Variants in CRISP2 observed in about 807,000 individuals in gnomAD.
CRISP2 encodes cysteine-rich secretory protein 2.
In CRISP2, 29 loss-of-function variants were observed where a neutral mutation model predicts 31.7. The observed-to-expected ratio is 0.92, with a 90% CI of 0.68 to 1.25. The LOEUF is 1.25. CRISP2 is among the 50% of genes most tolerant of loss of function. The pLI, the probability that CRISP2 is intolerant of heterozygous loss-of-function variation, is 0.00. For missense variants in CRISP2, 318 were observed against 286.5 expected, an observed-to-expected ratio of 1.11 and a Z score of -0.79; for synonymous variants, 111 against 101.4, an observed-to-expected ratio of 1.09 and a Z score of -0.57.
chr6:49,712,724 A>T (rs1038957642), intron 1 of CRISP2, 120 bp from the exon 2 acceptor site: 2 of 152,130 alleles, frequency 1.3e-5, no homozygotes, highest in African/African-American at 4.8e-5. Flanking sequence ...GTTTCTAATA[A>T]TTTACTGTAT....
At chr6:49,704,848 T>C (rs952506905) in intron 4 of CRISP2, among the ~76,000 whole-genome samples, 2 of 152,184 alleles carry the variant, frequency 1.3e-5, no homozygotes, top group African/African-American at 4.8e-5. Flanking sequence ...GAAGTTGTCA[T>C]GTGGACAGTC....
the CRISP2 span, among the ~76,000 whole-genome samples, chr6:49,686,033 G>T: frequency 6.6e-6 from 1 of 152,006 alleles, no homozygotes; most frequent in African/African-American, 2.4e-5. Context: ...ATACTTTCTA[G>T]TATACTCTAT....
intron 4 of CRISP2, among the ~76,000 whole-genome samples, chr6:49,702,095 TTA>T (rs1766092454): frequency 9.6e-6 from 1 of 103,914 alleles, no homozygotes; most frequent in South Asian, 3.0e-4. Flanking sequence ...ATTATATATA[TTA>T]TATATGTATA....
intron 8 of CRISP2, among the ~76,000 whole-genome samples, chr6:49,696,654 A>G (rs1350401918): frequency 6.6e-6 from 1 of 152,036 alleles, no homozygotes; most frequent in African/African-American, 2.4e-5. Context: ...AGGATATAAT[A>G]GTTTTGCAAT....
chr6:49,688,237 G>T (rs938687285), downstream of CRISP2, among the ~76,000 whole-genome samples: 7 of 152,170 alleles, frequency 4.6e-5, no homozygotes, highest in African/African-American at 1.7e-4. Context: ...CATATTTACA[G>T]TTGGAGAAAA....
intron 8 of CRISP2, 73 bp from the exon 9 acceptor site, chr6:49,695,997 A>T: frequency 1.2e-6 from 1 of 852,650 alleles, no homozygotes; most frequent in East Asian, 2.7e-5. Flanking sequence ...CAGTCATCAA[A>T]TATACATAAA....
rs1463767556 is a variant in CRISP2, at chr6:49,692,842, A to T, written c.663T>A (p.Ala221=). The T allele has an allele frequency of 1.9e-6, 3 of 1,613,756 alleles. No homozygotes were observed. Among genetic ancestry groups the T allele is most frequent in the African/African-American group, 1.3e-5 (1 of 74,934 alleles). The change falls in exon 10 of 10, where the codon GCT becomes GCA. Residue 221 remains alanine (A), a synonymous_variant. Transcript: ENST00000339139. ...LSNCDSLKNT[A]GCEHELLKEK... is the part of the protein sequence containing the mutation. ...CCTTGAGTAACTCATGTTCACAGCC[A>T]GCTGTATTCTTCAAGGAATCACAGT...
At chr6:49,679,007 A>T in the CRISP2 span, among the ~76,000 whole-genome samples, 1 of 152,216 alleles carries the variant, frequency 6.6e-6, no homozygotes, top group Non-Finnish European at 1.5e-5. Flanking sequence ...CACCAGTTCA[A>T]GTATTCTGTT....
chr6:49,698,440 G>C lies in CRISP2; in HGVS notation c.339C>G (p.Ser113Arg), dbSNP rs750155381. ...DPTSWSSAIQ[S>R]WYDEILDFVY... Reference sequence around the variant, plus strand: ...CAAAATCTAGGATCTCGTCATACCAGCTTTGGATTGCAGAAGACCAGGAAG... The same window carrying C: ...CAAAATCTAGGATCTCGTCATACCACCTTTGGATTGCAGAAGACCAGGAAG... Residue 113 changes from serine (S) to arginine (R), a missense_variant, in exon 7 of 10, where the codon AGC becomes AGG. Physicochemically the swap from Ser to Arg is moderately radical, Grantham distance 110. Coordinates refer to ENST00000339139, the MANE Select transcript of CRISP2 (RefSeq NM_003296.4). The C allele has an allele frequency of 6.2e-7, 1 of 1,613,336 alleles. No homozygotes were observed. The highest frequency in any genetic ancestry group is 1.7e-5 in the Admixed American group (1 of 59,884).
chr6:49,711,094 ATG>A (rs1767929036), intron 3 of CRISP2, among the ~76,000 whole-genome samples, 189 bp downstream of exon 3: 1 of 152,172 alleles, frequency 6.6e-6, no homozygotes, highest in Non-Finnish European at 1.5e-5. Flanking sequence ...GCAGTGAACT[ATG>A]ATCACAGCAC....
the CRISP2 span, among the ~76,000 whole-genome samples, chr6:49,684,040 G>T: frequency 6.6e-6 from 1 of 151,860 alleles, no homozygotes; most frequent in Non-Finnish European, 1.5e-5. Flanking sequence ...GATGTTCCTT[G>T]GCTGATTGTA....
chr6:49,681,442 A>T, the CRISP2 span, among the ~76,000 whole-genome samples: 2 of 152,078 alleles, frequency 1.3e-5, no homozygotes, highest in Non-Finnish European at 2.9e-5. Context: ...TTTTTCAACT[A>T]GATTAAGATA....
the CRISP2 span, among the ~76,000 whole-genome samples, chr6:49,684,123 G>A: frequency 1.3e-5 from 2 of 152,040 alleles, no homozygotes; most frequent in Non-Finnish European, 2.9e-5. Flanking sequence ...ATATTGGGAG[G>A]ATAAAGTGCA....
At chr6:49,697,078 A>C (rs1045780692) in intron 8 of CRISP2, among the ~76,000 whole-genome samples, 1 of 152,160 alleles carries the variant, frequency 6.6e-6, no homozygotes, top group Non-Finnish European at 1.5e-5. Context: ...CATCTTCGCT[A>C]TCTACAGTCT....
At chr6:49,708,349 T>G (rs1190378647) in intron 4 of CRISP2, among the ~76,000 whole-genome samples, 4 of 152,202 alleles carry the variant, frequency 2.6e-5, no homozygotes, top group African/African-American at 9.6e-5. Context: ...GTCCATATCC[T>G]AATGCTCAGA....
chr6:49,685,874 T>C, the CRISP2 span, among the ~76,000 whole-genome samples: 1 of 152,172 alleles, frequency 6.6e-6, no homozygotes, highest in Non-Finnish European at 1.5e-5. Context: ...TTAATGAGTA[T>C]GTAAGACATT....
At chr6:49,704,565 T>C (rs1766679213) in intron 4 of CRISP2, among the ~76,000 whole-genome samples, 1 of 152,148 alleles carries the variant, frequency 6.6e-6, no homozygotes, top group South Asian at 2.1e-4. Context: ...CTCCCCCTTC[T>C]CCTAGAGATG....
At chr6:49,682,783 T>A in the CRISP2 span, among the ~76,000 whole-genome samples, 3 of 147,686 alleles carry the variant, frequency 2.0e-5, no homozygotes, top group African/African-American at 7.5e-5. Context: ...CCTTCCCTCA[T>A]TCCTGCCCTC....
chr6:49,683,159 AAAATAAATAAATAAATAAAT>A, the CRISP2 span, among the ~76,000 whole-genome samples: 1 of 141,582 alleles, frequency 7.1e-6, no homozygotes, highest in South Asian at 2.3e-4. Flanking sequence ...ACTCCATCTC[AAAATAAATAAATAAATAAAT>A]AAATAAATAA....
Sources: gnomAD v4.1 joint callset for allele counts (sites outside exome capture counted in the v4.1 genomes callset) on GRCh38, gnomAD v4.1.1 for gene constraint, MANE v1.5 for transcripts, NCBI Gene and HGNC (gene_info 2026-07-23, HGNC 2026-07-21) for gene names.